The following CIT variants were observed in gnomAD, a reference collection of about 807,000 sequenced individuals.
CIT encodes citron rho-interacting serine/threonine kinase.
Under a neutral mutation model 272.7 loss-of-function variants are expected in CIT, and 79 were observed. The observed-to-expected ratio is 0.29, with a 90% CI of 0.24 to 0.35. The LOEUF (loss-of-function observed/expected upper bound fraction) is 0.35, where lower values mean the gene tolerates loss of function less well. CIT is among the 10% of genes least tolerant of loss of function. CIT has a pLI of 1.00. For missense variants in CIT, 1,909 were observed against 2,618.3 expected (o/e 0.73, Z 5.91); for synonymous variants, 948 against 995.6 (o/e 0.95, Z 0.90).
At chr12:119,859,200 C>T (rs866278048) in intron 3 of CIT, among the ~76,000 whole-genome samples, 11 of 152,190 alleles carry the variant, frequency 7.2e-5, no homozygotes, top group Admixed American at 3.3e-4. Flanking sequence ...GCATTACACA[C>T]CAAGGGCAAT....
At chr12:119,705,008 C>T (rs1429530441) in intron 40 of CIT, among the ~76,000 whole-genome samples, 2 of 152,156 alleles carry the variant, frequency 1.3e-5, no homozygotes, top group Non-Finnish European at 2.9e-5. Context: ...CACCTCCCGG[C>T]TTCAAGCCAT....
In CIT at chr12:119,768,421, A is replaced by G. The variant is rs1465491436; in HGVS notation, c.2209-1239T>C. Among the ~76,000 whole-genome samples the G allele has an allele frequency of 6.6e-6, 1 of 152,188 alleles. No homozygotes were observed. Among genetic ancestry groups the G allele is most frequent in the Non-Finnish European group, 1.5e-5 (1 of 68,032 alleles). ...TTACTCCAAGTTTTCAACTCTTTAT[A>G]CTATTATGAAATTTTTCTTTGAAGT... On this transcript the variant is annotated intron_variant, in intron 18 of 47. Transcript: ENST00000392521. This position sits in a 1 kb window ranked among gnomAD's most constrained non-coding sequence, Gnocchi z 4.3.
At chr12:119,858,655 C>T (rs1323814831) in intron 3 of CIT, among the ~76,000 whole-genome samples, 5 of 152,150 alleles carry the variant, frequency 3.3e-5, no homozygotes, top group Admixed American at 6.6e-5. Flanking sequence ...CCCGTCTCTA[C>T]CAAAAACATA....
chr12:119,691,387 CTG>C (rs1955937504), intron 46 of CIT, among the ~76,000 whole-genome samples: 1 of 152,164 alleles, frequency 6.6e-6, no homozygotes, highest in South Asian at 2.1e-4. Flanking sequence ...ACTGCCATGT[CTG>C]TCCCACTCCT....
In CIT at chr12:119,710,635, A is replaced by C; in HGVS notation, c.4855-15T>G. 1 of 1,611,330 alleles carries C rather than the reference A, an allele frequency of 6.2e-7. No homozygotes were observed. The highest frequency in any genetic ancestry group is 8.5e-7 in the Non-Finnish European group (1 of 1,177,420). On this transcript the variant is annotated splice_polypyrimidine_tract_variant and intron_variant, in intron 37 of 47. Coordinates refer to ENST00000392521, the MANE Select transcript of CIT (RefSeq NM_001206999.2). The surrounding 1 kb of genome is among the most constrained non-coding windows in gnomAD (Gnocchi z 5.6). ...CCAAGCAGTTTCTTTTCATAGGTGAAAGAAAAGAAAAACAGAAGACATCGT... is the reference window on the plus strand; with the variant it reads ...CCAAGCAGTTTCTTTTCATAGGTGACAGAAAAGAAAAACAGAAGACATCGT...
chr12:119,829,625 G>C (rs1566100293), intron 7 of CIT, among the ~76,000 whole-genome samples: 1 of 152,170 alleles, frequency 6.6e-6, no homozygotes, highest in Non-Finnish European at 1.5e-5. Flanking sequence ...ATATAATGTG[G>C]TTTATCTACA....
At chr12:119,860,287 G>A (rs960294890) in intron 3 of CIT, among the ~76,000 whole-genome samples, 9 of 152,032 alleles carry the variant, frequency 5.9e-5, no homozygotes, top group Non-Finnish European at 1.3e-4. Context: ...TTGGTCCCTT[G>A]GGGAACCAGG....
chr12:119,747,599 A>C (rs1307023451), intron 23 of CIT, among the ~76,000 whole-genome samples: 1 of 151,780 alleles, frequency 6.6e-6, no homozygotes, highest in African/African-American at 2.4e-5. Flanking sequence ...GAGCACCTGT[A>C]GTCCCAGCTA....
intron 5 of CIT, among the ~76,000 whole-genome samples, chr12:119,845,584 T>G: frequency 7.3e-6 from 1 of 136,264 alleles, no homozygotes. Context: ...ACCTAGGAGG[T>G]GGAGGCTGCA....
intron 41 of CIT, among the ~76,000 whole-genome samples, chr12:119,703,586 C>T (rs1236959405): frequency 5.3e-5 from 8 of 151,954 alleles, no homozygotes; most frequent in Non-Finnish European, 7.4e-5. Context: ...CCACCATGCC[C>T]GGCTAATTTT....
In CIT at chr12:119,784,774, C is replaced by T; in HGVS notation, c.1401+186G>A. On this transcript the variant is annotated intron_variant, in intron 11 of 47. Coordinates refer to ENST00000392521, the MANE Select transcript of CIT (RefSeq NM_001206999.2). The surrounding 1 kb of genome is among the most constrained non-coding windows in gnomAD (Gnocchi z 4.7). ...TGGTTTAGATTTAAAGGATTTACAG[C>T]AACAGCAAGGCCCGAATTCATCTCC... 4.9e-6 allele frequency: 7 copies of T among 1,422,772 alleles called. No homozygotes were observed. Among genetic ancestry groups the T allele is most frequent in the South Asian group, 1.6e-5 (1 of 62,774 alleles). 88.1% of individuals were successfully genotyped at this position (1,422,772 alleles called of 1,614,324 possible). A position where few individuals can be genotyped will look rare whatever the true frequency, so the allele number is the denominator to read the frequency against.
rs543418422 is a variant in CIT, at chr12:119,849,255, C to T, written c.516+919G>A. 3.0e-3 allele frequency among the ~76,000 whole-genome samples: 451 copies of T among 152,262 alleles called. 5 individuals carry two copies. Among genetic ancestry groups the T allele is most frequent in the Non-Finnish European group, 2.6e-3 (176 of 68,016 alleles). ...CAGCCCGGCCAACGTGGTAAAACCC[C>T]ATCTCTACTAAAAATACAAAAATTA... On this transcript the variant is annotated intron_variant, in intron 5 of 47. Coordinates refer to ENST00000392521, the MANE Select transcript of CIT (RefSeq NM_001206999.2).
At chr12:119,702,108 C>CTTT in intron 41 of CIT, 150 bp from the exon 42 acceptor site, 20 of 549,320 alleles carry the variant, frequency 3.6e-5, no homozygotes, top group African/African-American at 9.9e-5. Context: ...AGCCATTCAT[C>CTTT]TTTTTTTTTT....
intron 10 of CIT, among the ~76,000 whole-genome samples, chr12:119,787,739 A>G (rs2137741543): frequency 7.3e-6 from 1 of 136,186 alleles, no homozygotes; most frequent in Non-Finnish European, 1.6e-5. Context: ...TCAAAAAAAA[A>G]AAAAAAAAAA....
intron 40 of CIT, among the ~76,000 whole-genome samples, chr12:119,706,692 T>C (rs141007011): frequency 0.011 from 1,652 of 152,358 alleles, 14 homozygotes; most frequent in Middle Eastern, 0.024. Context: ...CTACCATTGA[T>C]GGGCATTTAG....
chr12:119,772,816 C>G lies in CIT; in HGVS notation c.2036G>C (p.Arg679Pro), dbSNP rs377249053. ...TCTGATGCCTTCAGAAGAATCCTCT[C>G]GGTTCTGCAGCTTCTCCAGCTCCCT... Reference protein sequence around the residue: ...AERELEKLQNREDSSEGIRKK... With the variant: ...AERELEKLQNPEDSSEGIRKK... Residue 679 changes from arginine (R) to proline (P), a missense_variant, in exon 17 of 48, where the codon CGA (arginine) becomes CCA (proline). By Grantham distance (103) the Arg-to-Pro change is moderately radical. Coordinates refer to ENST00000392521, the MANE Select transcript of CIT (RefSeq NM_001206999.2). 26 of 1,614,036 alleles carry G rather than the reference C, an allele frequency of 1.6e-5. No individual in the cohort carries two copies. In the African/African-American group the frequency reaches 2.7e-4, roughly 17 times the overall value.
intron 17 of CIT, 98 bp from the exon 18 acceptor site, chr12:119,771,008 A>G: frequency 7.0e-7 from 1 of 1,436,458 alleles, no homozygotes; most frequent in South Asian, 1.4e-5. Context: ...CATACACTCG[A>G]GTCAGGAAGA....
chr12:119,829,626 T>C (rs1968470544), intron 7 of CIT, among the ~76,000 whole-genome samples: 1 of 152,174 alleles, frequency 6.6e-6, no homozygotes, highest in African/African-American at 2.4e-5. Flanking sequence ...TATAATGTGG[T>C]TTATCTACAA....
Position 119,712,460 on chromosome 12 carries a change from G to C in CIT, c.4685-113C>G. On this transcript the variant is annotated intron_variant, in intron 36 of 47. Transcript: ENST00000392521. This position sits in a 1 kb window ranked among gnomAD's most constrained non-coding sequence, Gnocchi z 5.2. ...CCAAACCACGCAAATCCCAGTTACCGCCAAGGCGGGGAGCGGAGGAAGATG... is the reference window on the plus strand; with the variant it reads ...CCAAACCACGCAAATCCCAGTTACCCCCAAGGCGGGGAGCGGAGGAAGATG... The C allele has an allele frequency of 1.4e-6, 2 of 1,408,788 alleles. No individual in the cohort carries two copies. The highest frequency in any genetic ancestry group is 2.0e-6 in the Non-Finnish European group (2 of 1,019,626). The allele number at this position is 1,408,788 out of a possible 1,614,324, so 87.3% of individuals were successfully genotyped here. A position where few individuals can be genotyped will look rare whatever the true frequency, so the allele number is the denominator to read the frequency against.
Sources: allele counts gnomAD v4.1 joint callset (sites outside exome capture counted in the v4.1 genomes callset), GRCh38; gene constraint gnomAD v4.1.1; non-coding constraint Gnocchi (gnomAD v3.1); transcripts MANE v1.5; gene names NCBI Gene and HGNC (gene_info 2026-07-23, HGNC 2026-07-21).